LINGO2: variants seen among roughly 807,000 people sequenced by gnomAD.
LINGO2 encodes leucine rich repeat and Ig domain containing 2, also known as leucine-rich repeat and immunoglobulin-like domain-containing nogo receptor-interacting protein 2.
LINGO2 carries 14 observed loss-of-function variants against 30.6 expected under a neutral mutation model. The ratio of observed to expected loss-of-function variants is 0.46; its 90% CI spans 0.30 to 0.72. LINGO2 has a LOEUF of 0.72. LINGO2 is among the 30% of genes least tolerant of loss of function. The pLI, the probability that LINGO2 is intolerant of heterozygous loss-of-function variation, is 0.07. For synonymous variants in LINGO2, 317 were observed against 288.5 expected, an observed-to-expected ratio of 1.10 and a Z score of -1.00; for missense variants, 729 against 751.7, an observed-to-expected ratio of 0.97 and a Z score of 0.35.
chr9:28,575,395 T>TG (rs1484808961), intron 1 of LINGO2, among the ~76,000 whole-genome samples: 1 of 56,798 alleles, frequency 1.8e-5, no homozygotes, highest in Non-Finnish European at 4.8e-5. Flanking sequence ...AGACTCCGTC[T>TG]CAAAAAAAAA....
intron 4 of LINGO2, among the ~76,000 whole-genome samples, chr9:28,189,625 AAGGG>A (rs562543392): frequency 1.2e-4 from 1 of 8,414 alleles, no homozygotes; most frequent in Non-Finnish European, 2.1e-4. Flanking sequence ...GGGAGGGAGG[AAGGG>A]AGGGAGGAAG....
chr9:28,386,314 A>ATACT (rs1306500429), intron 2 of LINGO2, among the ~76,000 whole-genome samples: 4 of 152,192 alleles, frequency 2.6e-5, no homozygotes, highest in Non-Finnish European at 5.9e-5. Context: ...TTTGCAACTA[A>ATACT]GACACTAAAT....
At chr9:28,136,981 TCTC>T (rs1827535060) in intron 4 of LINGO2, among the ~76,000 whole-genome samples, 1 of 152,080 alleles carries the variant, frequency 6.6e-6, no homozygotes, top group African/African-American at 2.4e-5. Flanking sequence ...ATGTTGGTCT[TCTC>T]CTGCCTTCAG....
chr9:28,657,295 C>T (rs921877475), intron 1 of LINGO2, among the ~76,000 whole-genome samples: 4 of 151,928 alleles, frequency 2.6e-5, no homozygotes, highest in Non-Finnish European at 5.9e-5. Flanking sequence ...CAAAAGAACT[C>T]TTTTCTTTTT....
At chr9:28,354,152 T>A (rs372018398) in intron 3 of LINGO2, among the ~76,000 whole-genome samples, 33 of 149,986 alleles carry the variant, frequency 2.2e-4, no homozygotes, top group East Asian at 1.6e-3. Context: ...TAAAGTTAAT[T>A]AAAAAAAAAA....
chr9:28,444,045 T>C (rs1824307650), intron 2 of LINGO2, among the ~76,000 whole-genome samples: 1 of 152,186 alleles, frequency 6.6e-6, no homozygotes. Flanking sequence ...TCAGACTGCC[T>C]GTGGATAGAA....
chr9:28,021,320 TTC>T (rs912180916), intron 4 of LINGO2, among the ~76,000 whole-genome samples: 33 of 152,272 alleles, frequency 2.2e-4, no homozygotes, highest in African/African-American at 7.5e-4. Flanking sequence ...CTAGCTGTCT[TTC>T]TGTTATTGAT....
the LINGO2 span, among the ~76,000 whole-genome samples, chr9:28,766,711 G>T: frequency 1.9e-3 from 291 of 151,458 alleles, 8 homozygotes; most frequent in African/African-American, 6.7e-3. Context: ...ATACACTGTG[G>T]TATACATAAA....
At chr9:29,087,412 C>A in the LINGO2 span, among the ~76,000 whole-genome samples, 1 of 152,160 alleles carries the variant, frequency 6.6e-6, no homozygotes, top group Non-Finnish European at 1.5e-5. Context: ...TTGATTTATC[C>A]ACATTTTCTT....
intron 4 of LINGO2, among the ~76,000 whole-genome samples, chr9:28,062,611 CAAATATATATATTTTGTATATATACAA>C (rs1825186559): frequency 6.8e-6 from 1 of 146,230 alleles, no homozygotes; most frequent in Non-Finnish European, 1.5e-5. Flanking sequence ...TATACAAAAT[CAAATATATATATTTTGTATATATACAA>C]AATCAAATAT....
chr9:28,969,282 A>G, the LINGO2 span, among the ~76,000 whole-genome samples: 2 of 152,180 alleles, frequency 1.3e-5, no homozygotes, highest in African/African-American at 4.8e-5. Flanking sequence ...GTAACACTTG[A>G]GTAAAGTCTT....
At chr9:27,990,440 G>A (rs1048715638) in intron 5 of LINGO2, among the ~76,000 whole-genome samples, 13 of 144,802 alleles carry the variant, frequency 9.0e-5, no homozygotes, top group African/African-American at 2.3e-4. Context: ...TCTGCAAAAA[G>A]CATCACTTCA....
At chr9:28,524,478 G>T (rs1238891650) in intron 1 of LINGO2, among the ~76,000 whole-genome samples, 1 of 152,174 alleles carries the variant, frequency 6.6e-6, no homozygotes, top group Non-Finnish European at 1.5e-5. Flanking sequence ...GGAAGGGCCG[G>T]GCGTGGTGGC....
chr9:28,297,535 C>T (rs746020079), intron 3 of LINGO2, among the ~76,000 whole-genome samples: 68 of 152,298 alleles, frequency 4.5e-4, no homozygotes, highest in Admixed American at 1.2e-3. Context: ...AGCAATATTA[C>T]ATCCAATCAA....
rs113962182 is a variant in LINGO2 at position 28,013,562 on chromosome 9, T to C, written c.-86-1157A>G. The stretch of plus-strand genomic sequence containing the variant: ...TTTCAACAACTGTCAAATACTCTTG[T>C]ACAGAGGAATGTGGCAAAGACGGGG... On this transcript the variant is annotated intron_variant, in intron 4 of 5. Coordinates refer to ENST00000379992, the Ensembl canonical transcript of LINGO2. Among the ~76,000 whole-genome samples, 58 of 152,336 alleles carry C rather than the reference T, an allele frequency of 3.8e-4. 1 individual carries two copies. The highest frequency in any genetic ancestry group is 1.3e-3 in the African/African-American group (52 of 41,576).
chr9:29,057,145 T>A, the LINGO2 span, among the ~76,000 whole-genome samples: 1 of 152,130 alleles, frequency 6.6e-6, no homozygotes, highest in African/African-American at 2.4e-5. Context: ...GATGATGGCA[T>A]TTTGATGGGA....
the LINGO2 span, among the ~76,000 whole-genome samples, chr9:28,914,310 G>T: frequency 2.0e-5 from 3 of 152,092 alleles, no homozygotes; most frequent in Non-Finnish European, 2.9e-5. Context: ...CTTTCTTTTG[G>T]CCAAAACGCT....
chr9:28,211,348 A>G (rs1325349050), intron 4 of LINGO2, among the ~76,000 whole-genome samples: 2 of 150,534 alleles, frequency 1.3e-5, no homozygotes, highest in African/African-American at 4.9e-5. Flanking sequence ...TATAAATATA[A>G]TCCCTCTCAT....
chr9:28,641,546 A>G (rs16913449), intron 1 of LINGO2, among the ~76,000 whole-genome samples: 10,797 of 152,240 alleles, frequency 0.071, 551 homozygotes, highest in Admixed American at 0.19. Context: ...AGGAGACCCA[A>G]CATAGATTGA....
Sources: gnomAD v4.1 joint callset for allele counts (sites outside exome capture counted in the v4.1 genomes callset) on GRCh38, gnomAD v4.1.1 for gene constraint, MANE v1.5 for transcripts, NCBI Gene and HGNC (gene_info 2026-07-23, HGNC 2026-07-21) for gene names.